Variants in AFDN observed in about 807,000 individuals in gnomAD.
The protein encoded by AFDN is afadin, adherens junction formation factor.
In AFDN, 68 loss-of-function variants were observed where a neutral mutation model predicts 216.6. The observed-to-expected ratio is 0.31, with a 90% CI of 0.26 to 0.38. The LOEUF (loss-of-function observed/expected upper bound fraction) is 0.38. AFDN is among the 10% of genes least tolerant of loss of function. The pLI is 1.00. For missense variants in AFDN, 2,136 were observed against 2,342.0 expected, an observed-to-expected ratio of 0.91 and a Z score of 1.82; for synonymous variants, 868 against 853.7, an observed-to-expected ratio of 1.02 and a Z score of -0.29.
intron 30 of AFDN, among the ~76,000 whole-genome samples, chr6:167,958,531 T>C (rs13218441): frequency 6.6e-6 from 1 of 152,182 alleles, no homozygotes; most frequent in Non-Finnish European, 1.5e-5. Flanking sequence ...TGTTAACACG[T>C]TTTAATGGAT....
In AFDN at chr6:167,842,496, T is replaced by C. The variant is rs151282877; in HGVS notation, c.105+15259T>C. Among the ~76,000 whole-genome samples, 259 of 152,278 alleles carry C rather than the reference T, an allele frequency of 1.7e-3. 1 individual carries two copies. The highest frequency in any genetic ancestry group is 5.9e-3 in the African/African-American group (244 of 41,542). On this transcript the variant is annotated intron_variant, in intron 1 of 33. Coordinates refer to ENST00000683244, the MANE Select transcript of AFDN (RefSeq NM_001386888.1). ...CATAATATACTTAGCATTTATTGACTTCAAACTGTGTATGCTTATTTAGAT... is the reference window on the plus strand; with the variant it reads ...CATAATATACTTAGCATTTATTGACCTCAAACTGTGTATGCTTATTTAGAT...
chr6:167,864,982 A>G (rs1192848684), intron 2 of AFDN: 2 of 657,156 alleles, frequency 3.0e-6, no homozygotes, highest in South Asian at 1.5e-5. Flanking sequence ...AATTTTGCAT[A>G]TGCTTATTTC....
chr6:167,962,650 T>C lies in AFDN; in HGVS notation c.4968+83T>C, dbSNP rs1316993735. 3.8e-6 allele frequency: 6 copies of C among 1,596,120 alleles called. No homozygotes were observed. Among genetic ancestry groups the C allele is most frequent in the Non-Finnish European group, 1.7e-6 (2 of 1,167,510 alleles). ...TGGCTGGGGCAGAGCGGGCTGGAAG[T>C]TCTGTGTTTCTTAAGAAGCACGAGG... On this transcript the variant is annotated intron_variant, in intron 31 of 33. Coordinates refer to ENST00000683244, the MANE Select transcript of AFDN (RefSeq NM_001386888.1). This position sits in a 1 kb window ranked among gnomAD's most constrained non-coding sequence, Gnocchi z 5.2.
intron 32 of AFDN, 193 bp from the exon 33 acceptor site, chr6:167,968,921 A>G (rs573857712): frequency 5.4e-6 from 3 of 559,304 alleles, no homozygotes; most frequent in South Asian, 2.1e-5. Flanking sequence ...TGAGAGTAGT[A>G]ATTGGATTAC....
intron 1 of AFDN, among the ~76,000 whole-genome samples, chr6:167,859,351 AT>A (rs933317604): frequency 1.3e-5 from 2 of 151,716 alleles, no homozygotes; most frequent in African/African-American, 2.4e-5. Context: ...GCACAGCTGT[AT>A]TTTTTTTAAC....
chr6:167,848,482 G>T (rs548539143), intron 1 of AFDN, among the ~76,000 whole-genome samples: 11 of 152,172 alleles, frequency 7.2e-5, no homozygotes, highest in Admixed American at 7.2e-4. Flanking sequence ...TTCTATCTCT[G>T]TCCCTATCCA....
chr6:167,843,957 C>G (rs1035669612), intron 1 of AFDN, among the ~76,000 whole-genome samples: 1 of 152,068 alleles, frequency 6.6e-6, no homozygotes, highest in African/African-American at 2.4e-5. Context: ...ACCTGTTTTA[C>G]TCAAAGGGAA....
intron 13 of AFDN, among the ~76,000 whole-genome samples, chr6:167,907,609 T>C (rs544910937): frequency 6.6e-6 from 1 of 152,336 alleles, no homozygotes; most frequent in East Asian, 1.9e-4. Flanking sequence ...TGATGATTTT[T>C]GTATTTAGAA....
intron 12 of AFDN, among the ~76,000 whole-genome samples, chr6:167,906,590 A>G (rs924926149): frequency 4.6e-5 from 7 of 152,168 alleles, no homozygotes; most frequent in African/African-American, 7.2e-5. Context: ...TCTGCCTACA[A>G]ATTCCATACA....
chr6:167,839,356 A>C (rs932789573), intron 1 of AFDN, among the ~76,000 whole-genome samples: 1 of 151,012 alleles, frequency 6.6e-6, no homozygotes, highest in East Asian at 1.9e-4. Context: ...TCTGTTGTTT[A>C]CTTTTTTTTT....
chr6:167,895,038 A>G (rs1432104918), intron 9 of AFDN, among the ~76,000 whole-genome samples: 1 of 152,136 alleles, frequency 6.6e-6, no homozygotes, highest in African/African-American at 2.4e-5. Context: ...ATTTTTATAT[A>G]AGTATTCACT....
chr6:167,868,405 G>A (rs1784426743), intron 2 of AFDN, among the ~76,000 whole-genome samples: 1 of 152,114 alleles, frequency 6.6e-6, no homozygotes, highest in African/African-American at 2.4e-5. Flanking sequence ...AGTAAATGCT[G>A]ACAGCATTTG....
intron 30 of AFDN, among the ~76,000 whole-genome samples, chr6:167,959,307 C>A (rs1796822150): frequency 6.6e-6 from 1 of 152,194 alleles, no homozygotes; most frequent in Non-Finnish European, 1.5e-5. Context: ...ATGGTTTTTC[C>A]TGTGTCATTT....
chr6:167,850,085 T>C lies in AFDN; in HGVS notation c.106-14466T>C, dbSNP rs553342418. On this transcript the variant is annotated intron_variant, in intron 1 of 33. Transcript: ENST00000683244. ...AGGAGGTACCGGTTGGCACCAAATATGCAGTTCAAGATCACTCATGATACC... is the reference window on the plus strand; with the variant it reads ...AGGAGGTACCGGTTGGCACCAAATACGCAGTTCAAGATCACTCATGATACC... Among the ~76,000 whole-genome samples, 6 of 152,318 alleles carry C rather than the reference T, an allele frequency of 3.9e-5. No individual in the cohort carries two copies. In the South Asian group the frequency reaches 6.2e-4, roughly 16 times the overall value.
At chr6:167,835,457 A>T (rs1468262959) in intron 1 of AFDN, among the ~76,000 whole-genome samples, 1 of 152,166 alleles carries the variant, frequency 6.6e-6, no homozygotes. Context: ...TTTTTGAGAC[A>T]GCTGTCAAGC....
chr6:167,932,206 G>A (rs556190635), intron 23 of AFDN, among the ~76,000 whole-genome samples: 231 of 152,200 alleles, frequency 1.5e-3, no homozygotes, highest in African/African-American at 5.3e-3. Flanking sequence ...TCTTTGGCCC[G>A]TTCTTTTTTC....
rs569501739 is a variant in AFDN, at chr6:167,925,947, G to T, written c.3099+856G>T. On this transcript the variant is annotated intron_variant, in intron 23 of 33. Transcript: ENST00000683244. ...AATAACACTTTGGCCACTACAATTT[G>T]TATTTTTGTTTCTATCTCTAGGGAA... Among the ~76,000 whole-genome samples the T allele has an allele frequency of 1.4e-3, 214 of 152,188 alleles. 1 individual carries two copies. The highest frequency in any genetic ancestry group is 3.4e-3 in the Middle Eastern group (1 of 294).
chr6:167,924,086 G>A (rs73032796), intron 22 of AFDN, among the ~76,000 whole-genome samples: 3,000 of 151,222 alleles, frequency 0.02, 55 homozygotes, highest in Non-Finnish European at 0.033. Context: ...GGAGATTTCA[G>A]GTTTTGATTT....
At chr6:167,836,055 T>A (rs1394764906) in intron 1 of AFDN, among the ~76,000 whole-genome samples, 2 of 152,256 alleles carry the variant, frequency 1.3e-5, no homozygotes, top group African/African-American at 2.4e-5. Flanking sequence ...AAATGCCTCC[T>A]TTTAATTTTT....
Sources: allele counts gnomAD v4.1 joint callset (sites outside exome capture counted in the v4.1 genomes callset), GRCh38; gene constraint gnomAD v4.1.1; non-coding constraint Gnocchi (gnomAD v3.1); transcripts MANE v1.5; gene names NCBI Gene and HGNC (gene_info 2026-07-23, HGNC 2026-07-21).